The following AHR variants were observed in gnomAD, a reference collection of about 807,000 sequenced individuals.
AHR encodes the protein aryl hydrocarbon receptor, also known as AH-receptor.
A neutral mutation model predicts 86.8 loss-of-function variants in AHR; 40 were observed. The ratio of observed to expected loss-of-function variants is 0.46; its 90% CI spans 0.36 to 0.60. The LOEUF (loss-of-function observed/expected upper bound fraction) is 0.60, where lower values mean the gene tolerates loss of function less well. AHR is among the 20% of genes least tolerant of loss of function. AHR has a pLI of 0.00. For synonymous variants in AHR, 398 were observed against 354.9 expected, an observed-to-expected ratio of 1.12 and a Z score of -1.37; for missense variants, 1,001 against 1,011.6, an observed-to-expected ratio of 0.99 and a Z score of 0.14.
intron 1 of AHR, among the ~76,000 whole-genome samples, chr7:17,303,174 C>T (rs537800568): frequency 6.6e-6 from 1 of 152,142 alleles, no homozygotes; most frequent in South Asian, 2.1e-4. Flanking sequence ...CTGATACAAG[C>T]TTGCCCAGTT....
chr7:17,329,000 G>A (rs1426417408), intron 4 of AHR, among the ~76,000 whole-genome samples: 1 of 151,862 alleles, frequency 6.6e-6, no homozygotes, highest in African/African-American at 2.4e-5. Context: ...TTATATAACT[G>A]TCTTAATCAG....
Position 17,333,959 on chromosome 7 carries a change from G to T in AHR, c.753G>T (p.Lys251Asn), listed in dbSNP as rs750482862. ...TAAAGTATCTTCATGGACAGAAAAA[G>T]AAAGGGAAAGATGGATCAATACTTC... ...GKLKYLHGQK[K>N]KGKDGSILPP... Residue 251 changes from lysine to asparagine, a missense_variant, in exon 7 of 11, where the codon AAG (lysine) becomes AAT (asparagine). By Grantham distance (94) the Lys-to-Asn change is moderately conservative (BLOSUM62 0). Coordinates refer to ENST00000242057, the MANE Select transcript of AHR (RefSeq NM_001621.5). 1 of 1,613,404 alleles carries T rather than the reference G, an allele frequency of 6.2e-7. No homozygotes were observed. Among genetic ancestry groups the T allele is most frequent in the Non-Finnish European group, 8.5e-7 (1 of 1,179,492 alleles).
Position 17,298,702 on chromosome 7 carries a change from C to G in AHR, c.-563C>G. The G allele has an allele frequency of 2.5e-6, 1 of 396,422 alleles. No individual in the cohort carries two copies. The allele number at this position is 396,422 out of a possible 1,614,324, so 24.6% of individuals were successfully genotyped here. A position where few individuals can be genotyped will look rare whatever the true frequency, so the allele number is the denominator to read the frequency against. ...TCTGTTCCGAGAGCGTGCCCCGGAC[C>G]GCCAGCTCAGAACAGGGGCAGCCGT... On this transcript the variant is annotated 5_prime_UTR_variant, in exon 1 of 11. Coordinates refer to ENST00000242057, the MANE Select transcript of AHR (RefSeq NM_001621.5).
In AHR at chr7:17,299,260, G is replaced by C. The variant is rs1194413820; in HGVS notation, c.-5G>C. On this transcript the variant is annotated 5_prime_UTR_variant, in exon 1 of 11. Coordinates refer to ENST00000242057, the MANE Select transcript of AHR (RefSeq NM_001621.5). ...GGGAGTAGCCGCCGCCGTCGGCTGG[G>C]CACCATGAACAGCAGCAGCGCCAAC... The C allele has an allele frequency of 6.2e-7, 1 of 1,611,492 alleles. No individual in the cohort carries two copies. The highest frequency in any genetic ancestry group is 8.5e-7 in the Non-Finnish European group (1 of 1,179,436).
Position 17,340,129 on chromosome 7 carries a change from C to A in AHR, c.2304C>A (p.Ala768=), listed in dbSNP as rs763640716. 2 of 1,614,044 alleles carry A rather than the reference C, an allele frequency of 1.2e-6. No homozygotes were observed. Among genetic ancestry groups the A allele is most frequent in the Admixed American group, 1.7e-5 (1 of 60,006 alleles). The change falls in exon 10 of 11, where the codon GCC becomes GCA. Residue 768 remains alanine, a synonymous_variant. Transcript: ENST00000242057. ...CTCCTCAGACATGTTATGCTGGGGC[C>A]GTGTCGATGTATCAGTGCCAGCCAG... The part of the protein sequence containing the change: ...IITPQTCYAG[A]VSMYQCQPEP...
chr7:17,330,631 A>G, intron 5 of AHR, 125 bp from the exon 6 acceptor site: 1 of 813,838 alleles, frequency 1.2e-6, no homozygotes, highest in African/African-American at 1.7e-5. Context: ...AGCTCTTTTG[A>G]AAATGATTTT....
At chr7:17,322,939 G>A (rs1043495643) in intron 3 of AHR, among the ~76,000 whole-genome samples, 1 of 152,036 alleles carries the variant, frequency 6.6e-6, no homozygotes, top group Non-Finnish European at 1.5e-5. Flanking sequence ...ATAGTAACAT[G>A]CTGTACAGGT....
At chr7:17,328,587 C>A (rs1255700654) in intron 4 of AHR, among the ~76,000 whole-genome samples, 1 of 151,914 alleles carries the variant, frequency 6.6e-6, no homozygotes, top group Non-Finnish European at 1.5e-5. Flanking sequence ...ACTTGGTCAT[C>A]CCTGTGAGCC....
intron 1 of AHR, among the ~76,000 whole-genome samples, chr7:17,301,357 TGA>T (rs918161866): frequency 6.6e-6 from 1 of 152,056 alleles, no homozygotes; most frequent in Admixed American, 6.5e-5. Context: ...GTATTAAATT[TGA>T]GTTTTAAAAT....
intron 3 of AHR, among the ~76,000 whole-genome samples, 174 bp from the exon 4 acceptor site, chr7:17,327,585 A>G (rs1270098403): frequency 6.6e-6 from 1 of 151,952 alleles, no homozygotes; most frequent in Non-Finnish European, 1.5e-5. Flanking sequence ...AGACAAATCA[A>G]AAGGTATGAA....
chr7:17,341,143 CCT>C (rs1782419400), intron 10 of AHR, among the ~76,000 whole-genome samples: 1 of 151,992 alleles, frequency 6.6e-6, no homozygotes, highest in Admixed American at 6.6e-5. Context: ...CTCCTTGACC[CCT>C]GTTTACTCTG....
At chr7:17,301,431 T>G (rs762918629) in intron 1 of AHR, among the ~76,000 whole-genome samples, 12 of 152,064 alleles carry the variant, frequency 7.9e-5, no homozygotes, top group Non-Finnish European at 1.6e-4. Flanking sequence ...AAAATAGATC[T>G]TGTTTTGAGC....
chr7:17,324,800 TG>T (rs1782211478), intron 3 of AHR, among the ~76,000 whole-genome samples: 1 of 140,998 alleles, frequency 7.1e-6, no homozygotes, highest in African/African-American at 2.8e-5. Context: ...AGACTCCATC[TG>T]AAAAAAAAAA....
intron 5 of AHR, 52 bp downstream of exon 5, chr7:17,330,127 T>C (rs771393880): frequency 6.4e-7 from 1 of 1,560,994 alleles, no homozygotes; most frequent in Non-Finnish European, 8.7e-7. Context: ...AATATGAGTC[T>C]GTGAAAGGAG....
chr7:17,339,038 A>G lies in AHR; in HGVS notation c.1213A>G (p.Met405Val). 6.2e-7 allele frequency: 1 copy of G among 1,614,146 alleles called. No homozygotes were observed. The highest frequency in any genetic ancestry group is 8.5e-7 in the Non-Finnish European group (1 of 1,180,012). ...LRKRNTKLPFMFTTGEAVLYE... is the reference protein window; with the variant it reads ...LRKRNTKLPFVFTTGEAVLYE... ...AAAACGAAATACGAAGTTGCCTTTT[A>G]TGTTTACCACTGGAGAAGCTGTGTT... Residue 405 changes from methionine (M) to valine (V), a missense_variant, in exon 10 of 11, where the codon ATG becomes GTG. Met to Val is a conservative substitution (Grantham distance 21). Coordinates refer to ENST00000242057, the MANE Select transcript of AHR (RefSeq NM_001621.5).
intron 5 of AHR, among the ~76,000 whole-genome samples, chr7:17,330,291 G>C (rs2115364255): frequency 6.6e-6 from 1 of 151,950 alleles, no homozygotes; most frequent in Middle Eastern, 3.4e-3. Flanking sequence ...TCAGGCAACA[G>C]AGTATTGCCA....
At chr7:17,333,561 C>T (rs533662646) in intron 6 of AHR, among the ~76,000 whole-genome samples, 1 of 152,004 alleles carries the variant, frequency 6.6e-6, no homozygotes, top group South Asian at 2.1e-4. Flanking sequence ...TACTTTAGGA[C>T]TTTATCACCA....
chr7:17,340,077 G>T lies in AHR; in HGVS notation c.2252G>T (p.Gly751Val). Residue 751 changes from glycine (G) to valine (V), a missense_variant, in exon 10 of 11, where the codon GGA becomes GTA. Physicochemically the swap from Gly to Val is moderately radical, Grantham distance 109. Transcript: ENST00000242057. ...CAACTTCCTGAAAACCAAAAGCATG[G>T]ATTAAATCCACAGTCAGCCATAATA... is the stretch of plus-strand genomic sequence containing the variant. Reference protein sequence around the residue: ...CLQLPENQKHGLNPQSAIITP... With the variant: ...CLQLPENQKHVLNPQSAIITP... The T allele has an allele frequency of 6.2e-7, 1 of 1,614,132 alleles. No homozygotes were observed. The highest frequency in any genetic ancestry group is 8.5e-7 in the Non-Finnish European group (1 of 1,180,022).
In AHR at chr7:17,345,684, T is replaced by G. The variant is rs1782475609; in HGVS notation, c.*2620T>G. 1 of 152,592 alleles carries G rather than the reference T, an allele frequency of 6.6e-6. No individual in the cohort carries two copies. Among genetic ancestry groups the G allele is most frequent in the Non-Finnish European group, 1.5e-5 (1 of 68,002 alleles). The allele number at this position is 152,592 out of a possible 1,614,324, so 9.5% of individuals were successfully genotyped here. A position where few individuals can be genotyped will look rare whatever the true frequency, so the allele number is the denominator to read the frequency against. ...ACAATCAGTTATACAGTTATAAAATTAAAAGTTTGAAAAGCAATATTGTAT... is the reference window on the plus strand; with the variant it reads ...ACAATCAGTTATACAGTTATAAAATGAAAAGTTTGAAAAGCAATATTGTAT... On this transcript the variant is annotated 3_prime_UTR_variant, in exon 11 of 11. Transcript: ENST00000242057.
Sources: gnomAD v4.1 joint callset for allele counts (sites outside exome capture counted in the v4.1 genomes callset) on GRCh38, gnomAD v4.1.1 for gene constraint, MANE v1.5 for transcripts, NCBI Gene and HGNC (gene_info 2026-07-23, HGNC 2026-07-21) for gene names.